MYT1L: variants seen among roughly 807,000 people sequenced by gnomAD.
The protein encoded by MYT1L is myelin transcription factor 1-like protein.
Under a neutral mutation model 126.7 loss-of-function variants are expected in MYT1L, and 12 were observed. The ratio of observed to expected loss-of-function variants is 0.09; its 90% CI spans 0.06 to 0.15. The LOEUF (loss-of-function observed/expected upper bound fraction) is 0.15, where lower values mean the gene tolerates loss of function less well. Among genes scored for constraint, MYT1L ranks in the 10% least tolerant of loss-of-function variants. The probability of loss-of-function intolerance (pLI) is 1.00; values close to 1 mark genes in which losing one functional copy is unlikely to be tolerated. For missense variants in MYT1L, 979 were observed against 1,585.2 expected (o/e 0.62, Z 6.49); for synonymous variants, 541 against 604.2 (o/e 0.90, Z 1.53).
intron 2 of MYT1L, among the ~76,000 whole-genome samples, chr2:2,276,998 T>A (rs998752336): frequency 2.6e-5 from 4 of 152,110 alleles, no homozygotes; most frequent in South Asian, 4.1e-4. Context: ...TTTTCTTTTT[T>A]TGAGACAGAG....
chr2:2,130,711 G>A (rs931279015), intron 3 of MYT1L, among the ~76,000 whole-genome samples: 2 of 152,164 alleles, frequency 1.3e-5, no homozygotes, highest in African/African-American at 2.4e-5. Flanking sequence ...CACGGAATTC[G>A]CAGGAAGGAA....
intron 2 of MYT1L, among the ~76,000 whole-genome samples, chr2:2,177,201 G>T (rs2090905914): frequency 6.6e-6 from 1 of 152,204 alleles, no homozygotes; most frequent in South Asian, 2.1e-4. Context: ...CAGTGTGAAT[G>T]AAAATTTTCA....
At chr2:1,911,975 G>A (rs1291757516) in intron 12 of MYT1L, 45 bp downstream of exon 12, 13 of 1,445,546 alleles carry the variant, frequency 9.0e-6, no homozygotes, top group African/African-American at 1.4e-5. Context: ...GGCATGGAGA[G>A]CAGCCGGTGC....
intron 2 of MYT1L, among the ~76,000 whole-genome samples, chr2:2,271,641 G>C (rs187882629): frequency 6.6e-6 from 1 of 152,296 alleles, no homozygotes; most frequent in Non-Finnish European, 1.5e-5. Context: ...TTTCCTCACA[G>C]TTCTAGAAGG....
chr2:2,163,714 G>A (rs1322421920), intron 3 of MYT1L, among the ~76,000 whole-genome samples: 14 of 151,306 alleles, frequency 9.3e-5, no homozygotes, highest in Non-Finnish European at 2.1e-4. Context: ...CTCCAGCCTG[G>A]GTGAAAGAGT....
chr2:1,805,380 T>C (rs2035529911), intron 22 of MYT1L, among the ~76,000 whole-genome samples: 1 of 152,122 alleles, frequency 6.6e-6, no homozygotes, highest in Non-Finnish European at 1.5e-5. Flanking sequence ...GGGCCTCACA[T>C]GGAGGGAAGC....
At chr2:2,303,932 C>A (rs2095823123) in intron 1 of MYT1L, 1 of 152,192 alleles carries the variant, frequency 6.6e-6, no homozygotes, top group Non-Finnish European at 1.5e-5. Flanking sequence ...CTGACTTAAC[C>A]ACAGTTGTCC....
At chr2:2,153,067 G>A (rs539867621) in intron 3 of MYT1L, among the ~76,000 whole-genome samples, 2 of 152,296 alleles carry the variant, frequency 1.3e-5, no homozygotes, top group Admixed American at 1.3e-4. Context: ...GGAGACTAAG[G>A]TGGGAGGGTT....
intron 18 of MYT1L, 90 bp downstream of exon 18, chr2:1,886,449 C>A: frequency 1.0e-6 from 1 of 962,442 alleles, no homozygotes; most frequent in Non-Finnish European, 1.5e-6. Flanking sequence ...TTTTAACAGA[C>A]ATTTTTCTTT....
At chr2:2,330,042 G>C (rs370855231) in intron 1 of MYT1L, among the ~76,000 whole-genome samples, 4 of 151,298 alleles carry the variant, frequency 2.6e-5, no homozygotes, top group South Asian at 4.2e-4. Context: ...TTATCTGTAT[G>C]GGAGACATGA....
At chr2:2,194,825 A>G (rs539137211) in intron 2 of MYT1L, among the ~76,000 whole-genome samples, 2 of 152,358 alleles carry the variant, frequency 1.3e-5, no homozygotes, top group African/African-American at 4.8e-5. Context: ...TAAAAATTGG[A>G]TAAATGTATA....
rs2094061413 is a variant in MYT1L at position 2,228,130 on chromosome 2, A to G, written c.-420-55142T>C. ...ATATCTCTATGCAAGGATTACAGATAATATAATCATCATCACTATCATCAG... is the reference window on the plus strand; with the variant it reads ...ATATCTCTATGCAAGGATTACAGATGATATAATCATCATCACTATCATCAG... On this transcript the variant is annotated intron_variant, in intron 2 of 24. Transcript: ENST00000647738. This position sits in a 1 kb window ranked among gnomAD's most constrained non-coding sequence, Gnocchi z 5.9. Among the ~76,000 whole-genome samples, 1 of 152,240 alleles carries G rather than the reference A, an allele frequency of 6.6e-6. No homozygotes were observed. The highest frequency in any genetic ancestry group is 1.5e-5 in the Non-Finnish European group (1 of 68,038).
chr2:1,994,361 C>T (rs1243763324), intron 5 of MYT1L, among the ~76,000 whole-genome samples: 1 of 150,752 alleles, frequency 6.6e-6, no homozygotes, highest in African/African-American at 2.4e-5. Context: ...GGGGGCTCAG[C>T]CCTGGTTCAG....
chr2:2,254,707 T>C (rs1039068025), intron 2 of MYT1L, among the ~76,000 whole-genome samples: 28 of 151,900 alleles, frequency 1.8e-4, no homozygotes, highest in Admixed American at 1.5e-3. Flanking sequence ...ATGCGAAATG[T>C]TCATTTTTTT....
chr2:1,919,000 A>G (rs1029713886), intron 10 of MYT1L, among the ~76,000 whole-genome samples: 21 of 152,246 alleles, frequency 1.4e-4, no homozygotes, highest in African/African-American at 2.4e-5. Context: ...ACTGACAATC[A>G]TAAACTTGAG....
chr2:2,177,732 A>G (rs1055443733), intron 2 of MYT1L, among the ~76,000 whole-genome samples: 4 of 152,130 alleles, frequency 2.6e-5, no homozygotes, highest in Non-Finnish European at 5.9e-5. Flanking sequence ...ATGAGAACTC[A>G]CTCACTATCA....
intron 2 of MYT1L, among the ~76,000 whole-genome samples, chr2:2,268,904 C>T (rs1481609168): frequency 6.6e-6 from 1 of 151,988 alleles, no homozygotes; most frequent in African/African-American, 2.4e-5. Context: ...CCAAACAAGC[C>T]ATTCACAAGG....
intron 9 of MYT1L, among the ~76,000 whole-genome samples, chr2:1,936,619 T>C (rs1469476838): frequency 1.3e-5 from 2 of 152,198 alleles, no homozygotes; most frequent in South Asian, 4.1e-4. Context: ...TCAGAACTCA[T>C]TGCCTTTTCT....
chr2:1,908,987 C>T (rs12471985), intron 13 of MYT1L, among the ~76,000 whole-genome samples: 74,530 of 152,070 alleles, frequency 0.49, 21,215 homozygotes, highest in African/African-American at 0.79. Context: ...CTTTTCTATT[C>T]AGGGAGGAAG....
Sources: gnomAD v4.1 joint callset for allele counts (sites outside exome capture counted in the v4.1 genomes callset) on GRCh38, gnomAD v4.1.1 for gene constraint, Gnocchi (gnomAD v3.1) non-coding constraint, MANE v1.5 for transcripts, NCBI Gene and HGNC (gene_info 2026-07-23, HGNC 2026-07-21) for gene names.